FAT3: variants seen among roughly 807,000 people sequenced by gnomAD.
The protein encoded by FAT3 is protocadherin Fat 3.
In FAT3, 95 loss-of-function variants were observed where a neutral mutation model predicts 310.2. The observed-to-expected ratio is 0.31, with a 90% CI of 0.26 to 0.36. FAT3 has a LOEUF of 0.36. Ranked by LOEUF, FAT3 falls within the 10% of genes least tolerant of loss-of-function variation. The pLI, the probability that FAT3 is intolerant of heterozygous loss-of-function variation, is 1.00. For missense variants in FAT3, 5,408 were observed against 5,715.6 expected, an observed-to-expected ratio of 0.95 and a Z score of 1.74; for synonymous variants, 2,314 against 2,192.9, an observed-to-expected ratio of 1.06 and a Z score of -1.54.
intron 22 of FAT3, among the ~76,000 whole-genome samples, chr11:92,875,189 A>T (rs1365954482): frequency 6.7e-6 from 1 of 150,250 alleles, no homozygotes; most frequent in Admixed American, 6.7e-5. Flanking sequence ...GACCACTTTT[A>T]AAAAATTCCA....
At chr11:92,588,350 T>G (rs1939256617) in intron 3 of FAT3, among the ~76,000 whole-genome samples, 1 of 151,968 alleles carries the variant, frequency 6.6e-6, no homozygotes, top group Non-Finnish European at 1.5e-5. Flanking sequence ...TTTCAGTAAG[T>G]CATGAGTGTG....
chr11:92,380,690 A>G (rs2134760012), intron 2 of FAT3, among the ~76,000 whole-genome samples: 1 of 152,324 alleles, frequency 6.6e-6, no homozygotes, highest in Non-Finnish European at 1.5e-5. Flanking sequence ...TTTAGCAGCT[A>G]GAATTCTTTT....
intron 1 of FAT3, among the ~76,000 whole-genome samples, chr11:92,238,397 C>T (rs1259729776): frequency 6.6e-6 from 1 of 152,064 alleles, no homozygotes; most frequent in Non-Finnish European, 1.5e-5. Flanking sequence ...TCAGAGACAC[C>T]TCTGGAATGT....
rs781780255 is a variant in FAT3 at position 92,798,286 on chromosome 11, A to G, written c.5273A>G (p.Gln1758Arg). 6.2e-7 allele frequency: 1 copy of G among 1,613,888 alleles called. No individual in the cohort carries two copies. Among genetic ancestry groups the G allele is most frequent in the South Asian group, 1.1e-5 (1 of 91,078 alleles). The change falls in exon 10 of 28, where the codon CAG (glutamine) becomes CGG (arginine). Residue 1758 changes from glutamine (Q) to arginine (R), a missense_variant. Physicochemically the swap from Gln to Arg is conservative, Grantham distance 43. Coordinates refer to ENST00000525166, the MANE Select transcript of FAT3 (RefSeq NM_001367949.2). Reference sequence around the variant, plus strand: ...GCTTCCAATGCTACAGTCAATATTCAGATTGTTGATGAAAATGATAATGCC... The same window carrying G: ...GCTTCCAATGCTACAGTCAATATTCGGATTGTTGATGAAAATGATAATGCC... ...GMASNATVNI[Q>R]IVDENDNAPV...
At chr11:92,574,500 T>C (rs561379680) in intron 3 of FAT3, among the ~76,000 whole-genome samples, 4 of 152,220 alleles carry the variant, frequency 2.6e-5, no homozygotes, top group African/African-American at 4.8e-5. Context: ...CATTTCTTCA[T>C]TGATAAAATG....
intron 2 of FAT3, among the ~76,000 whole-genome samples, chr11:92,514,420 C>T (rs1953408693): frequency 6.6e-6 from 1 of 152,102 alleles, no homozygotes; most frequent in Non-Finnish European, 1.5e-5. Flanking sequence ...TTTTTATAAA[C>T]ATCAGGGTAA....
At chr11:92,573,093 G>T (rs1238693098) in intron 3 of FAT3, among the ~76,000 whole-genome samples, 3 of 152,044 alleles carry the variant, frequency 2.0e-5, no homozygotes, top group African/African-American at 7.2e-5. Flanking sequence ...TGTTAATTTA[G>T]CAAATTACTG....
At chr11:92,842,166 T>C (rs568577724) in intron 18 of FAT3, among the ~76,000 whole-genome samples, 11 of 152,362 alleles carry the variant, frequency 7.2e-5, no homozygotes, top group African/African-American at 2.6e-4. Flanking sequence ...TCCAGTGCTT[T>C]ACAGAAAATG....
chr11:92,341,348 C>G (rs929114936), intron 1 of FAT3, among the ~76,000 whole-genome samples: 2 of 152,154 alleles, frequency 1.3e-5, no homozygotes, highest in Non-Finnish European at 2.9e-5. Flanking sequence ...AAGAAAGACT[C>G]TGTGGGTAGT....
intron 2 of FAT3, among the ~76,000 whole-genome samples, chr11:92,368,389 TTGCTATTAATAATAC>T (rs1342004885): frequency 6.6e-6 from 1 of 152,188 alleles, no homozygotes; most frequent in African/African-American, 2.4e-5. Context: ...ACAGATACTC[TTGCTATTAATAATAC>T]TGCTGCAAGT....
At chr11:92,234,787 A>G (rs1274337478) in intron 1 of FAT3, among the ~76,000 whole-genome samples, 1 of 152,038 alleles carries the variant, frequency 6.6e-6, no homozygotes, top group African/African-American at 2.4e-5. Flanking sequence ...CTGTAATCCC[A>G]GCTACTCAGG....
chr11:92,709,950 G>A (rs978703053), intron 4 of FAT3, among the ~76,000 whole-genome samples: 1 of 152,134 alleles, frequency 6.6e-6, no homozygotes, highest in African/African-American at 2.4e-5. Flanking sequence ...TTTTCATGAT[G>A]TACCCATTAT....
At chr11:92,667,747 A>G (rs1271152989) in intron 3 of FAT3, among the ~76,000 whole-genome samples, 2 of 152,192 alleles carry the variant, frequency 1.3e-5, no homozygotes, top group Non-Finnish European at 2.9e-5. Flanking sequence ...TGAATGAGGA[A>G]CAATGAGGCA....
intron 7 of FAT3, among the ~76,000 whole-genome samples, chr11:92,783,357 C>CAAAA (rs35357267): frequency 1.8e-4 from 8 of 45,056 alleles, no homozygotes; most frequent in Non-Finnish European, 2.7e-4. Context: ...GACTCCATCT[C>CAAAA]AAAAAAAAAA....
chr11:92,655,685 A>G (rs898403994), intron 3 of FAT3, among the ~76,000 whole-genome samples: 1 of 151,934 alleles, frequency 6.6e-6, no homozygotes. Flanking sequence ...TCTGACTCCA[A>G]CTTCCCAGTG....
chr11:92,245,778 G>C (rs1342387049), intron 1 of FAT3, among the ~76,000 whole-genome samples: 1 of 152,106 alleles, frequency 6.6e-6, no homozygotes, highest in African/African-American at 2.4e-5. Flanking sequence ...GCTGGATTTG[G>C]CCAGTGAGCT....
chr11:92,385,961 C>T (rs762459899), intron 2 of FAT3, among the ~76,000 whole-genome samples: 8 of 151,974 alleles, frequency 5.3e-5, no homozygotes, highest in South Asian at 4.1e-4. Flanking sequence ...GCCTGGGCAA[C>T]GCGGTGACAC....
At chr11:92,563,044 A>T (rs780340321) in intron 3 of FAT3, among the ~76,000 whole-genome samples, 3 of 152,178 alleles carry the variant, frequency 2.0e-5, no homozygotes, top group Non-Finnish European at 4.4e-5. Context: ...ATTGAAAAAA[A>T]TTTTTTGAAC....
rs118036235 is a variant in FAT3, at chr11:92,604,875, A to G, written c.3607+79927A>G. On this transcript the variant is annotated intron_variant, in intron 3 of 27. Coordinates refer to ENST00000525166, the MANE Select transcript of FAT3 (RefSeq NM_001367949.2). ...GGTTCATCTGTGGGCTCTGCTAGGC[A>G]TTAGCTAAGTGCCCATGAACAAATT... Among the ~76,000 whole-genome samples the G allele has an allele frequency of 1.5e-3, 224 of 152,352 alleles. 2 individuals are homozygous for G. The East Asian group carries it at 0.039, about 27-fold the overall frequency.
Sources: gnomAD v4.1 joint callset for allele counts (sites outside exome capture counted in the v4.1 genomes callset) on GRCh38, gnomAD v4.1.1 for gene constraint, MANE v1.5 for transcripts, NCBI Gene and HGNC (gene_info 2026-07-23, HGNC 2026-07-21) for gene names.